The following AFF3 variants were observed in gnomAD, a reference collection of about 807,000 sequenced individuals.
AFF3 encodes the protein ALF transcription elongation factor 3, also known as AF4/FMR2 family member 3.
In AFF3, 32 loss-of-function variants were observed where a neutral mutation model predicts 129.7. The ratio of observed to expected loss-of-function variants is 0.25; its 90% confidence interval spans 0.19 to 0.33. The LOEUF (loss-of-function observed/expected upper bound fraction) is 0.33, where lower values mean the gene tolerates loss of function less well. Among genes scored for constraint, AFF3 ranks in the 10% least tolerant of loss-of-function variants. The probability of loss-of-function intolerance (pLI) is 1.00; values close to 1 mark genes in which losing one functional copy is unlikely to be tolerated. For missense variants in AFF3, 1,373 were observed against 1,592.0 expected, an observed-to-expected ratio of 0.86 and a Z score of 2.34; for synonymous variants, 644 against 635.4, an observed-to-expected ratio of 1.01 and a Z score of -0.20.
chr2:99,667,450 G>T (rs1686771187), intron 12 of AFF3, among the ~76,000 whole-genome samples: 2 of 151,968 alleles, frequency 1.3e-5, no homozygotes, highest in Admixed American at 6.6e-5. Flanking sequence ...TCTCCCTCAA[G>T]AAACTAGAAA....
rs541156554 is a variant in AFF3, at chr2:99,783,482, C to T, written c.922-31181G>A. Among the ~76,000 whole-genome samples, 95 of 152,338 alleles carry T rather than the reference C, an allele frequency of 6.2e-4. 1 individual carries two copies. The South Asian group carries it at 0.013, about 20-fold the overall frequency. ...ATCCATCTCAGGAACTCTGGCCTCT[C>T]TCACGAGAGAAGAAAGATGCCCTGT... is the stretch of plus-strand genomic sequence containing the variant. On this transcript the variant is annotated intron_variant, in intron 8 of 24. Transcript: ENST00000672756.
intron 7 of AFF3, among the ~76,000 whole-genome samples, chr2:99,949,711 C>A (rs1348104017): frequency 6.6e-6 from 1 of 152,174 alleles, no homozygotes; most frequent in Non-Finnish European, 1.5e-5. Flanking sequence ...TGAGCTCAGG[C>A]AGTAATGCCA....
intron 7 of AFF3, among the ~76,000 whole-genome samples, chr2:99,907,892 G>C (rs898348087): frequency 6.6e-6 from 1 of 152,106 alleles, no homozygotes; most frequent in Non-Finnish European, 1.5e-5. Context: ...TCTACCTTCT[G>C]ATTCTCCCCT....
chr2:99,779,880 A>G (rs916200958), intron 8 of AFF3, among the ~76,000 whole-genome samples: 1 of 152,220 alleles, frequency 6.6e-6, no homozygotes, highest in African/African-American at 2.4e-5. Context: ...CAGAGCCACG[A>G]CCTGGATTCA....
intron 4 of AFF3, among the ~76,000 whole-genome samples, chr2:100,065,635 C>T (rs1687663167): frequency 6.6e-6 from 1 of 152,172 alleles, no homozygotes. Context: ...CTAGGATTAA[C>T]ATTAAAATAA....
intron 7 of AFF3, among the ~76,000 whole-genome samples, chr2:99,931,506 G>T (rs1696670147): frequency 6.6e-6 from 1 of 152,224 alleles, no homozygotes; most frequent in Non-Finnish European, 1.5e-5. Flanking sequence ...GGTGTTGGAA[G>T]AACACTGATG....
intron 8 of AFF3, among the ~76,000 whole-genome samples, chr2:99,828,947 T>C (rs1688316985): frequency 6.6e-6 from 1 of 152,204 alleles, no homozygotes; most frequent in Non-Finnish European, 1.5e-5. Context: ...GATATTTTGG[T>C]GTCTCTACAC....
intron 7 of AFF3, among the ~76,000 whole-genome samples, chr2:99,855,200 G>T (rs1190140788): frequency 6.6e-6 from 1 of 152,092 alleles, no homozygotes; most frequent in Admixed American, 6.6e-5. Flanking sequence ...AAGGGTAAAG[G>T]GTTTCTTTTG....
At position 99,740,025 on chromosome 2, in the gene AFF3, A is replaced by T. The variant is rs35529249; in HGVS notation, c.1039+4079T>A. Among the ~76,000 whole-genome samples, 521 of 135,688 alleles carry T rather than the reference A, an allele frequency of 3.8e-3. 7 individuals are homozygous for T. The East Asian group carries it at 0.039, about 10-fold the overall frequency. The allele number at this position is 135,688 out of a possible 152,430, so 89.0% of individuals were successfully genotyped here. A position where few individuals can be genotyped will look rare whatever the true frequency, so the allele number is the denominator to read the frequency against. ...CCCCTTCCTGTGTCCATGTGTTCTC[A>T]TTGTTCAATTCCCATCTATGAGTGA... On this transcript the variant is annotated intron_variant, in intron 10 of 24. Coordinates refer to ENST00000672756, the MANE Select transcript of AFF3 (RefSeq NM_001386135.1).
intron 4 of AFF3, among the ~76,000 whole-genome samples, chr2:100,017,995 A>G (rs978105472): frequency 8.7e-5 from 13 of 149,706 alleles, no homozygotes; most frequent in African/African-American, 3.0e-4. Flanking sequence ...AAGATCTGCT[A>G]TGCCTCCTTG....
At chr2:99,873,606 T>C (rs756536291) in intron 7 of AFF3, among the ~76,000 whole-genome samples, 1 of 152,096 alleles carries the variant, frequency 6.6e-6, no homozygotes, top group Non-Finnish European at 1.5e-5. Context: ...GAATAAATCA[T>C]GTAAACAATG....
At chr2:100,043,150 T>G (rs1285718348) in intron 4 of AFF3, among the ~76,000 whole-genome samples, 1 of 151,988 alleles carries the variant, frequency 6.6e-6, no homozygotes, top group East Asian at 1.9e-4. Context: ...GACGTGAAAA[T>G]GCCAGGAACC....
At chr2:99,580,139 G>C (rs1677389258) in intron 17 of AFF3, among the ~76,000 whole-genome samples, 1 of 152,092 alleles carries the variant, frequency 6.6e-6, no homozygotes, top group South Asian at 2.1e-4. Context: ...TCATGAGCGT[G>C]TGCAGTTCTT....
At chr2:99,918,680 A>C (rs1409360000) in intron 7 of AFF3, among the ~76,000 whole-genome samples, 1 of 152,230 alleles carries the variant, frequency 6.6e-6, no homozygotes, top group South Asian at 2.1e-4. Flanking sequence ...CCTAAAGGCT[A>C]CCTCACAAAA....
rs545611377 is a variant in AFF3 at position 99,735,148 on chromosome 2, G to A, written c.1040-8020C>T. 2.4e-4 allele frequency among the ~76,000 whole-genome samples: 37 copies of A among 152,034 alleles called. 2 individuals are homozygous for A. The South Asian group carries it at 3.5e-3, about 15-fold the overall frequency. Reference sequence around the variant, plus strand: ...AAATCATTTTAATCATAGTCATTTCGTCTAGTTTTGAAAAAATTTTGGTAT... The same window carrying A: ...AAATCATTTTAATCATAGTCATTTCATCTAGTTTTGAAAAAATTTTGGTAT... On this transcript the variant is annotated intron_variant, in intron 10 of 24. Coordinates refer to ENST00000672756, the MANE Select transcript of AFF3 (RefSeq NM_001386135.1).
intron 11 of AFF3, among the ~76,000 whole-genome samples, chr2:99,697,936 A>T (rs1676456122): frequency 6.6e-6 from 1 of 152,244 alleles, no homozygotes; most frequent in Admixed American, 6.5e-5. Context: ...CTGCCAATAT[A>T]TGCACACCTG....
At chr2:99,789,431 G>C (rs1055715546) in intron 8 of AFF3, among the ~76,000 whole-genome samples, 9 of 123,902 alleles carry the variant, frequency 7.3e-5, no homozygotes, top group Non-Finnish European at 9.7e-5. Context: ...AGGTAACAGA[G>C]TGAGGCCCTG....
chr2:99,738,758 A>G (rs376355693), intron 10 of AFF3, among the ~76,000 whole-genome samples: 10 of 152,084 alleles, frequency 6.6e-5, no homozygotes, highest in African/African-American at 2.4e-4. Context: ...GCTGATGTGA[A>G]GGATTCATTT....
chr2:99,594,483 C>T (rs1679092113), intron 14 of AFF3, among the ~76,000 whole-genome samples, 194 bp from the exon 15 acceptor site: 1 of 152,198 alleles, frequency 6.6e-6, no homozygotes, highest in Non-Finnish European at 1.5e-5. Context: ...CTGGATGATG[C>T]TGTCCTTACC....
Sources: allele counts gnomAD v4.1 joint callset (sites outside exome capture counted in the v4.1 genomes callset), GRCh38; gene constraint gnomAD v4.1.1; transcripts MANE v1.5; gene names NCBI Gene and HGNC (gene_info 2026-07-23, HGNC 2026-07-21).